The following SCN11A variants were observed in gnomAD, a reference collection of about 807,000 sequenced individuals.
SCN11A encodes the protein sodium channel protein type 11 subunit alpha.
A neutral mutation model predicts 162.2 loss-of-function variants in SCN11A; 122 were observed. That is an observed-to-expected ratio of 0.75 (90% CI 0.65 to 0.87). SCN11A has a LOEUF of 0.87. Among genes scored for constraint, SCN11A ranks in the 40% least tolerant of loss-of-function variants. The probability of loss-of-function intolerance (pLI) is 0.00; values close to 1 mark genes in which losing one functional copy is unlikely to be tolerated. For synonymous variants in SCN11A, 758 were observed against 751.5 expected, an observed-to-expected ratio of 1.01 and a Z score of -0.14; for missense variants, 2,015 against 2,181.6, an observed-to-expected ratio of 0.92 and a Z score of 1.52.
rs1407151682 is a variant in SCN11A, at chr3:38,863,306, G to A, written c.3952-7C>T. 1 of 1,453,854 alleles carries A rather than the reference G, an allele frequency of 6.9e-7. No individual in the cohort carries two copies. The highest frequency in any genetic ancestry group is 1.2e-5 in the South Asian group (1 of 86,338). 90.1% of individuals were successfully genotyped at this position (1,453,854 alleles called of 1,614,324 possible). ...AAATGTCTTGGCCACCTAAGTATAT[G>A]GAGAAGATAAGAGCTAATTACCTTT... is the stretch of plus-strand genomic sequence containing the variant. On this transcript the variant is annotated splice_polypyrimidine_tract_variant and splice_region_variant and intron_variant, in intron 27 of 29. Transcript: ENST00000302328.
chr3:38,985,230 C>G (rs1446290421), intron 2 of SCN11A, among the ~76,000 whole-genome samples: 1 of 147,742 alleles, frequency 6.8e-6, no homozygotes, highest in African/African-American at 2.6e-5. Context: ...CGGGTTTATG[C>G]CATTCTCCTG....
intron 2 of SCN11A, among the ~76,000 whole-genome samples, chr3:39,021,033 G>C (rs957497570): frequency 6.6e-6 from 1 of 150,908 alleles, no homozygotes; most frequent in Non-Finnish European, 1.5e-5. Context: ...CTGACCATAA[G>C]ATCTGTTAAA....
intron 2 of SCN11A, among the ~76,000 whole-genome samples, chr3:39,029,524 A>G (rs1417449363): frequency 6.6e-6 from 1 of 152,218 alleles, no homozygotes; most frequent in African/African-American, 2.4e-5. Flanking sequence ...ATAGTGGGAA[A>G]GGACATAGTG....
At chr3:38,891,734 T>C (rs1007241466) in intron 19 of SCN11A, among the ~76,000 whole-genome samples, 13 of 152,192 alleles carry the variant, frequency 8.5e-5, no homozygotes, top group Non-Finnish European at 1.5e-4. Flanking sequence ...CTCATTCTTT[T>C]ATTAGGAACC....
In SCN11A at chr3:38,921,092, A is replaced by T. The variant is rs2066042978; in HGVS notation, c.876T>A (p.Ser292Arg). 2 of 1,614,054 alleles carry T rather than the reference A, an allele frequency of 1.2e-6. No individual in the cohort carries two copies. The highest frequency in any genetic ancestry group is 3.3e-5 in the Admixed American group (2 of 60,016). Residue 292 changes from serine to arginine, a missense_variant, in exon 10 of 30, where the codon AGT (serine) becomes AGA (arginine). Transcript: ENST00000302328. ...KCISRDCKNI[S>R]NPEAYDHCFE... ...GGTATTTACCATAAGCTTCCGGGTT[A>T]CTGATATTTTTACAGTCCCTCGAGA...
intron 2 of SCN11A, among the ~76,000 whole-genome samples, chr3:38,999,807 C>G (rs1223141233): frequency 6.6e-6 from 1 of 152,142 alleles, no homozygotes; most frequent in Non-Finnish European, 1.5e-5. Context: ...TTGGGATGAC[C>G]TTTGCTTCCC....
chr3:38,901,996 T>A (rs1389456042), intron 16 of SCN11A, among the ~76,000 whole-genome samples: 2 of 152,168 alleles, frequency 1.3e-5, no homozygotes, highest in Non-Finnish European at 2.9e-5. Flanking sequence ...GTCTAGTCAG[T>A]GGTAAATCTG....
chr3:39,021,640 T>C (rs1482017677), intron 2 of SCN11A, among the ~76,000 whole-genome samples: 1 of 152,168 alleles, frequency 6.6e-6, no homozygotes, highest in East Asian at 1.9e-4. Context: ...GCATTTGTTC[T>C]GAGTCCCACC....
intron 28 of SCN11A, among the ~76,000 whole-genome samples, chr3:38,851,075 G>A (rs1233770220): frequency 6.6e-6 from 1 of 152,168 alleles, no homozygotes; most frequent in African/African-American, 2.4e-5. Context: ...AAATAAAACA[G>A]TGCATGTTGG....
At chr3:38,960,784 C>T (rs894719943) in intron 2 of SCN11A, among the ~76,000 whole-genome samples, 1 of 152,226 alleles carries the variant, frequency 6.6e-6, no homozygotes, top group African/African-American at 2.4e-5. Context: ...GAATTGCTTA[C>T]AGGGTGTCCA....
At chr3:39,029,408 T>G (rs866304920) in intron 2 of SCN11A, among the ~76,000 whole-genome samples, 1 of 152,370 alleles carries the variant, frequency 6.6e-6, no homozygotes, top group East Asian at 1.9e-4. Flanking sequence ...CTTTTGCCCA[T>G]TTTTTCCTAT....
chr3:38,992,471 C>A (rs1437284636), intron 2 of SCN11A, among the ~76,000 whole-genome samples: 1 of 152,216 alleles, frequency 6.6e-6, no homozygotes, highest in Non-Finnish European at 1.5e-5. Context: ...TCTTTACAAA[C>A]AAACTGCATC....
chr3:39,044,079 C>A (rs1260177267), intron 1 of SCN11A, among the ~76,000 whole-genome samples: 1 of 151,832 alleles, frequency 6.6e-6, no homozygotes, highest in African/African-American at 2.4e-5. Context: ...TACTTTAAGT[C>A]AAAGACTGTA....
At chr3:38,889,812 T>C (rs959364204) in intron 19 of SCN11A, among the ~76,000 whole-genome samples, 2 of 40,570 alleles carry the variant, frequency 4.9e-5, no homozygotes, top group Non-Finnish European at 8.7e-5. Context: ...AAAAATAAAA[T>C]AAAATAAAAT....
At chr3:38,966,237 C>T (rs1468641028) in intron 2 of SCN11A, among the ~76,000 whole-genome samples, 1 of 152,118 alleles carries the variant, frequency 6.6e-6, no homozygotes, top group Non-Finnish European at 1.5e-5. Flanking sequence ...GTCAGTCCTC[C>T]CTAGAATGGC....
intron 2 of SCN11A, among the ~76,000 whole-genome samples, chr3:39,028,997 G>C (rs1426044208): frequency 1.3e-5 from 2 of 152,228 alleles, no homozygotes; most frequent in African/African-American, 4.8e-5. Flanking sequence ...CCTATGCGTG[G>C]CAGTATCAGT....
rs760766463 is a variant in SCN11A, at chr3:38,908,988, T to C, written c.1299+9A>G. The C allele has an allele frequency of 3.7e-6, 6 of 1,611,984 alleles. No homozygotes were observed. In the Admixed American group the frequency reaches 5.0e-5, roughly 13 times the overall value. On this transcript the variant is annotated intron_variant, in intron 13 of 29. Coordinates refer to ENST00000302328, the MANE Select transcript of SCN11A (RefSeq NM_001349253.2). ...GAGCAGATCCCACTGTCTGACCCCA[T>C]GTCCCTACCTCCTTTTCCTCCTTTA...
intron 2 of SCN11A, among the ~76,000 whole-genome samples, chr3:39,024,256 A>C (rs1160684292): frequency 6.6e-6 from 1 of 152,216 alleles, no homozygotes; most frequent in Non-Finnish European, 1.5e-5. Context: ...GATTAGACAA[A>C]AGGGTATGAC....
At chr3:39,046,077 G>A (rs1422618990) in intron 1 of SCN11A, among the ~76,000 whole-genome samples, 1 of 152,106 alleles carries the variant, frequency 6.6e-6, no homozygotes, top group Non-Finnish European at 1.5e-5. Context: ...CTGGCCAACA[G>A]GGCAAAACCC....
Sources: gnomAD v4.1 joint callset for allele counts (sites outside exome capture counted in the v4.1 genomes callset) on GRCh38, gnomAD v4.1.1 for gene constraint, MANE v1.5 for transcripts, NCBI Gene and HGNC (gene_info 2026-07-23, HGNC 2026-07-21) for gene names.